SEMA3A: variants seen among roughly 807,000 people sequenced by gnomAD.
SEMA3A encodes the protein semaphorin-3A.
Under a neutral mutation model 97.9 loss-of-function variants are expected in SEMA3A, and 29 were observed. That is an observed-to-expected ratio of 0.30 (90% CI 0.22 to 0.40). SEMA3A has a LOEUF of 0.40. Among genes scored for constraint, SEMA3A ranks in the 10% least tolerant of loss-of-function variants. The probability of loss-of-function intolerance (pLI) is 1.00; values close to 1 mark genes in which losing one functional copy is unlikely to be tolerated. For missense variants in SEMA3A, 763 were observed against 951.3 expected, an observed-to-expected ratio of 0.80 and a Z score of 2.60; for synonymous variants, 321 against 323.7, an observed-to-expected ratio of 0.99 and a Z score of 0.09.
At chr7:84,000,173 G>C (rs1790384408) in intron 12 of SEMA3A, among the ~76,000 whole-genome samples, 1 of 149,656 alleles carries the variant, frequency 6.7e-6, no homozygotes, top group South Asian at 2.1e-4. Flanking sequence ...GTGGCCAACA[G>C]AGTCCATTTG....
chr7:84,048,546 A>C (rs1477902583), intron 5 of SEMA3A, among the ~76,000 whole-genome samples: 1 of 152,000 alleles, frequency 6.6e-6, no homozygotes, highest in Non-Finnish European at 1.5e-5. Context: ...TTGTCAAAAC[A>C]TCATGCAAAT....
chr7:84,429,557 G>T (rs1285386754), intron 1 of SEMA3A, among the ~76,000 whole-genome samples: 25 of 73,058 alleles, frequency 3.4e-4, no homozygotes, highest in South Asian at 4.8e-4. Flanking sequence ...TAGCGAGAGA[G>T]AGAGAGAGAG....
At position 84,442,336 on chromosome 7, in the gene SEMA3A, G is replaced by A. The variant is rs535193664; in HGVS notation, c.-246+50124C>T. Among the ~76,000 whole-genome samples the A allele has an allele frequency of 5.3e-5, 8 of 152,178 alleles. No homozygotes were observed. The East Asian group carries it at 1.5e-3, about 29-fold the overall frequency. On this transcript the variant is annotated intron_variant, in intron 1 of 3. Coordinates refer to the SEMA3A transcript ENST00000424555. ...AACATCCAAAACTAAATGGGATGGGGAGAAGCCTCTTAAATAAGCAGAGAG... is the reference window on the plus strand; with the variant it reads ...AACATCCAAAACTAAATGGGATGGGAAGAAGCCTCTTAAATAAGCAGAGAG...
intron 1 of SEMA3A, among the ~76,000 whole-genome samples, chr7:84,411,983 T>C (rs1804281202): frequency 6.6e-6 from 1 of 152,186 alleles, no homozygotes; most frequent in African/African-American, 2.4e-5. Context: ...TTTTAACATA[T>C]GTAATTTCTA....
At chr7:84,047,817 C>T (rs141255588) in intron 5 of SEMA3A, among the ~76,000 whole-genome samples, 3 of 151,986 alleles carry the variant, frequency 2.0e-5, no homozygotes, top group South Asian at 2.1e-4. Flanking sequence ...CATATGTTCA[C>T]GTACCTAATT....
At chr7:83,994,628 C>G (rs6963653) in intron 12 of SEMA3A, among the ~76,000 whole-genome samples, 100,105 of 138,426 alleles carry the variant, frequency 0.72, 36,929 homozygotes, top group East Asian at 0.87. Flanking sequence ...TAGGCTGCTC[C>G]GGGATCAGGG....
intron 3 of SEMA3A, among the ~76,000 whole-genome samples, chr7:84,281,019 C>T (rs889209275): frequency 1.3e-5 from 2 of 152,078 alleles, no homozygotes; most frequent in African/African-American, 4.8e-5. Flanking sequence ...TGGCTCCTTG[C>T]CACCTCCTTT....
At chr7:84,103,259 T>C (rs910901819) in intron 4 of SEMA3A, among the ~76,000 whole-genome samples, 8 of 152,066 alleles carry the variant, frequency 5.3e-5, no homozygotes, top group Non-Finnish European at 1.0e-4. Flanking sequence ...TGGCCTTACT[T>C]TGGTCCTTAG....
intron 2 of SEMA3A, among the ~76,000 whole-genome samples, chr7:84,338,079 C>T (rs535988934): frequency 5.4e-4 from 82 of 151,756 alleles, no homozygotes; most frequent in Non-Finnish European, 9.6e-4. Flanking sequence ...TATATACACA[C>T]ATATCTCTAT....
At chr7:84,124,716 A>C (rs1041461049) in intron 3 of SEMA3A, among the ~76,000 whole-genome samples, 10 of 152,124 alleles carry the variant, frequency 6.6e-5, no homozygotes, top group African/African-American at 1.9e-4. Context: ...GGATGTTACA[A>C]ATCCCAGGGA....
intron 1 of SEMA3A, among the ~76,000 whole-genome samples, chr7:84,445,575 G>A (rs1312019516): frequency 6.8e-6 from 1 of 146,062 alleles, no homozygotes; most frequent in Non-Finnish European, 1.5e-5. Flanking sequence ...AGGAAAACTT[G>A]AAAATTCACA....
chr7:84,433,705 G>A (rs1326262364), intron 1 of SEMA3A, among the ~76,000 whole-genome samples: 1 of 152,150 alleles, frequency 6.6e-6, no homozygotes, highest in African/African-American at 2.4e-5. Context: ...CAGTGTAAAA[G>A]TGTTCATATT....
chr7:84,228,665 A>G (rs751068494), intron 3 of SEMA3A, among the ~76,000 whole-genome samples: 6 of 152,142 alleles, frequency 3.9e-5, no homozygotes, highest in Non-Finnish European at 8.8e-5. Flanking sequence ...GGGGTTTGCC[A>G]ATGGGGATTA....
At chr7:84,054,867 C>A (rs371044659) in intron 5 of SEMA3A, among the ~76,000 whole-genome samples, 1 of 147,352 alleles carries the variant, frequency 6.8e-6, no homozygotes, top group Non-Finnish European at 1.5e-5. Flanking sequence ...GATGGTGATG[C>A]ACAGATGGGT....
chr7:84,173,090 T>C (rs1797443028), intron 1 of SEMA3A, among the ~76,000 whole-genome samples: 1 of 152,172 alleles, frequency 6.6e-6, no homozygotes, highest in African/African-American at 2.4e-5. Flanking sequence ...AAAAGTACAG[T>C]AGGAAGCGAT....
At position 84,439,913 on chromosome 7, in the gene SEMA3A, A is replaced by G. The variant is rs529999016; in HGVS notation, c.-246+52547T>C. ...TAAAATCAGGTTAAAAATTTAATAAACCCAGGATATGGAAGATGGATTTAA... is the reference window on the plus strand; with the variant it reads ...TAAAATCAGGTTAAAAATTTAATAAGCCCAGGATATGGAAGATGGATTTAA... On this transcript the variant is annotated intron_variant, in intron 1 of 3. Coordinates refer to the SEMA3A transcript ENST00000424555. Among the ~76,000 whole-genome samples the G allele has an allele frequency of 3.9e-5, 6 of 152,304 alleles. No individual in the cohort carries two copies. In the South Asian group the frequency reaches 1.2e-3, roughly 32 times the overall value.
chr7:84,417,787 G>T (rs955426513), intron 1 of SEMA3A, among the ~76,000 whole-genome samples: 5 of 152,014 alleles, frequency 3.3e-5, no homozygotes, highest in South Asian at 4.2e-4. Flanking sequence ...TTTCATGGGG[G>T]TTGGATGAGT....
intron 14 of SEMA3A, among the ~76,000 whole-genome samples, chr7:83,978,063 A>AAAG (rs1440026535): frequency 5.9e-5 from 9 of 152,210 alleles, no homozygotes; most frequent in African/African-American, 1.4e-4. Flanking sequence ...TCGGCCTCCC[A>AAAG]AAGTGCTGGG....
chr7:84,062,521 C>CTACG (rs1793269338), intron 4 of SEMA3A, among the ~76,000 whole-genome samples: 1 of 152,218 alleles, frequency 6.6e-6, no homozygotes, highest in African/African-American at 2.4e-5. Flanking sequence ...GTTCACCTCA[C>CTACG]TACGGAGTGC....
Sources: gnomAD v4.1 joint callset for allele counts (sites outside exome capture counted in the v4.1 genomes callset) on GRCh38, gnomAD v4.1.1 for gene constraint, MANE v1.5 for transcripts, NCBI Gene and HGNC (gene_info 2026-07-23, HGNC 2026-07-21) for gene names.